Variants in STPG2 observed in about 807,000 individuals in gnomAD.
The protein encoded by STPG2 is sperm tail PG-rich repeat containing 2, also known as sperm-tail PG-rich repeat-containing protein 2.
In STPG2, 56 loss-of-function variants were observed where a neutral mutation model predicts 54.2. The observed-to-expected ratio is 1.03, with a 90% CI of 0.83 to 1.29. The LOEUF (loss-of-function observed/expected upper bound fraction) is 1.29, where lower values mean the gene tolerates loss of function less well. Among genes scored for constraint, STPG2 ranks in the 50% most tolerant of loss-of-function variants. The probability of loss-of-function intolerance (pLI) is 0.00; values close to 1 mark genes in which losing one functional copy is unlikely to be tolerated. For missense variants in STPG2, 596 were observed against 544.9 expected (o/e 1.09, Z -0.93); for synonymous variants, 200 against 181.8 (o/e 1.10, Z -0.81).
intron 9 of STPG2, among the ~76,000 whole-genome samples, chr4:97,753,713 CT>C (rs1353051630): frequency 2.6e-5 from 4 of 151,968 alleles, no homozygotes; most frequent in African/African-American, 9.7e-5. Flanking sequence ...TATAGCCAAC[CT>C]GGTAGGTGTG....
intron 10 of STPG2, among the ~76,000 whole-genome samples, chr4:97,688,151 C>A (rs889570516): frequency 4.6e-5 from 7 of 151,906 alleles, no homozygotes; most frequent in Admixed American, 3.3e-4. Flanking sequence ...ATTAAGAAAT[C>A]TGAAAATCTG....
chr4:97,799,562 T>A (rs1727312112), intron 9 of STPG2, among the ~76,000 whole-genome samples: 1 of 152,234 alleles, frequency 6.6e-6, no homozygotes, highest in Non-Finnish European at 1.5e-5. Context: ...GCTGTTAGTC[T>A]GATGGGCTTC....
intron 8 of STPG2, among the ~76,000 whole-genome samples, chr4:97,920,562 T>C (rs761449652): frequency 1.3e-5 from 2 of 151,898 alleles, no homozygotes; most frequent in African/African-American, 2.4e-5. Flanking sequence ...TAATTTTATC[T>C]CCTTATTAAG....
chr4:97,946,095 GGAGT>G (rs1429696053), intron 7 of STPG2, among the ~76,000 whole-genome samples: 1 of 152,098 alleles, frequency 6.6e-6, no homozygotes, highest in Admixed American at 6.6e-5. Context: ...CATTCTTGCA[GGAGT>G]GAGGTGGTAT....
chr4:98,118,358 T>TG (rs916103991), intron 3 of STPG2, among the ~76,000 whole-genome samples: 21 of 151,830 alleles, frequency 1.4e-4, no homozygotes, highest in African/African-American at 4.6e-4. Flanking sequence ...CTCTTTTTTT[T>TG]GCAGTGATAG....
chr4:97,991,752 T>A (rs963798041), intron 5 of STPG2, among the ~76,000 whole-genome samples: 10 of 152,040 alleles, frequency 6.6e-5, no homozygotes, highest in African/African-American at 2.2e-4. Context: ...TTTCACCACA[T>A]CCATGCCAAC....
At chr4:97,969,176 T>C (rs938663939) in intron 7 of STPG2, among the ~76,000 whole-genome samples, 1 of 152,216 alleles carries the variant, frequency 6.6e-6, no homozygotes, top group Admixed American at 6.5e-5. Context: ...ATCTATGGAT[T>C]GTTTGTAAAC....
At chr4:97,478,668 G>A (rs950073698) in intron 4 of STPG2, among the ~76,000 whole-genome samples, 7 of 151,850 alleles carry the variant, frequency 4.6e-5, no homozygotes, top group African/African-American at 1.7e-4. Context: ...TTAACTCTAT[G>A]ATAAGTTTGT....
At chr4:97,805,088 A>C (rs1727512910) in intron 9 of STPG2, among the ~76,000 whole-genome samples, 1 of 152,194 alleles carries the variant, frequency 6.6e-6, no homozygotes. Context: ...AAATCTCTGT[A>C]TTTTAAAAAT....
intron 10 of STPG2, among the ~76,000 whole-genome samples, chr4:97,580,761 T>A (rs950881208): frequency 2.0e-5 from 3 of 152,028 alleles, no homozygotes; most frequent in Non-Finnish European, 2.9e-5. Flanking sequence ...GTGGGTTGGG[T>A]CAGTTAACAA....
At chr4:97,584,097 T>C (rs930488479) in intron 10 of STPG2, among the ~76,000 whole-genome samples, 1 of 151,994 alleles carries the variant, frequency 6.6e-6, no homozygotes, top group Non-Finnish European at 1.5e-5. Context: ...CATTAGCATA[T>C]GGAACATTCC....
rs746870330 is a variant in STPG2, at chr4:97,972,436, A to C, written c.777T>G (p.Pro259=). The C allele has an allele frequency of 1.4e-5, 21 of 1,508,268 alleles. No homozygotes were observed. The Admixed American group carries it at 2.7e-4, about 20-fold the overall frequency. The allele number at this position is 1,508,268 out of a possible 1,614,324, so 93.4% of individuals were successfully genotyped here. A position where few individuals can be genotyped will look rare whatever the true frequency, so the allele number is the denominator to read the frequency against. Residue 259 remains proline, a synonymous_variant, in exon 7 of 11, where the codon CCT becomes CCG. Transcript: ENST00000295268. ...TATTGTTCAAGACATTATAAAATCC[A>C]GGACCTAAAATTATTAGAAGTATCA... ...QDIRTEEMPG[P]GFYNVLNNTI... is the part of the protein sequence containing the mutation.
At chr4:97,762,645 T>C (rs1028305917) in intron 9 of STPG2, among the ~76,000 whole-genome samples, 7 of 152,140 alleles carry the variant, frequency 4.6e-5, no homozygotes, top group African/African-American at 1.7e-4. Context: ...AAATCAAAGC[T>C]ATTGCCTCTC....
chr4:97,747,377 T>C (rs1343129013), intron 9 of STPG2, among the ~76,000 whole-genome samples: 3 of 151,422 alleles, frequency 2.0e-5, no homozygotes, highest in African/African-American at 7.3e-5. Flanking sequence ...TAATCCATGT[T>C]GTCAAACTCC....
rs977289395 is a variant in STPG2 at position 98,042,344 on chromosome 4, GTTCT to G, written c.613-61030_613-61027del. Among the ~76,000 whole-genome samples the G allele has an allele frequency of 2.0e-5, 3 of 150,556 alleles. No individual in the cohort carries two copies. In the East Asian group the frequency reaches 5.9e-4, roughly 29 times the overall value. On this transcript the variant is annotated intron_variant, in intron 5 of 10. Transcript: ENST00000295268. ...TTTATATAGTTCTACTCTGATCTTT[GTTCT>G]TTCTTTCCTTTTGCTAGCTTTGGGT...
At chr4:98,115,912 C>T (rs1739508014) in intron 3 of STPG2, among the ~76,000 whole-genome samples, 1 of 151,852 alleles carries the variant, frequency 6.6e-6, no homozygotes, top group Admixed American at 6.6e-5. Context: ...TTGTATTAAA[C>T]TTTGCTGAAT....
At chr4:98,113,046 T>TA (rs1739409089) in intron 3 of STPG2, among the ~76,000 whole-genome samples, 1 of 151,256 alleles carries the variant, frequency 6.6e-6, no homozygotes, top group Non-Finnish European at 1.5e-5. Flanking sequence ...ACTGTTTCAT[T>TA]AAAATATTGG....
chr4:97,726,068 A>G (rs1247042549), intron 9 of STPG2, among the ~76,000 whole-genome samples: 1 of 151,936 alleles, frequency 6.6e-6, no homozygotes, highest in Non-Finnish European at 1.5e-5. Flanking sequence ...CTATAAAATG[A>G]AAGCCCAGGT....
chr4:97,586,833 G>A (rs535993516), intron 10 of STPG2, among the ~76,000 whole-genome samples: 1 of 151,984 alleles, frequency 6.6e-6, no homozygotes, highest in Non-Finnish European at 1.5e-5. Context: ...CAGAAGTTCT[G>A]TAGAGAGAAA....
Sources: allele counts gnomAD v4.1 joint callset (sites outside exome capture counted in the v4.1 genomes callset), GRCh38; gene constraint gnomAD v4.1.1; transcripts MANE v1.5; gene names NCBI Gene and HGNC (gene_info 2026-07-23, HGNC 2026-07-21).